Variants in TMEM108 observed in about 807,000 individuals in gnomAD.
The protein encoded by TMEM108 is cancer/testis antigen 124.
In TMEM108, 12 loss-of-function variants were observed where a neutral mutation model predicts 35.1. The ratio of observed to expected loss-of-function variants is 0.34; its 90% confidence interval spans 0.22 to 0.55. The LOEUF (loss-of-function observed/expected upper bound fraction) is 0.55, where lower values mean the gene tolerates loss of function less well. Ranked by LOEUF, TMEM108 falls within the 20% of genes least tolerant of loss-of-function variation. The pLI, the probability that TMEM108 is intolerant of heterozygous loss-of-function variation, is 0.89. For synonymous variants in TMEM108, 287 were observed against 308.6 expected (o/e 0.93, Z 0.73); for missense variants, 680 against 753.3 (o/e 0.90, Z 1.14).
In TMEM108 at chr3:133,055,411, A is replaced by C. The variant is rs1178172610; in HGVS notation, c.-47+9391A>C. 4.6e-5 allele frequency among the ~76,000 whole-genome samples: 7 copies of C among 152,262 alleles called. No homozygotes were observed. In the East Asian group the frequency reaches 1.3e-3, roughly 29 times the overall value. On this transcript the variant is annotated intron_variant, in intron 2 of 5. Transcript: ENST00000321871. ...CCCTTGTTGAAGATTCTTTAGCAAC[A>C]ATAAAGACATCTGCTCTCTCCAGGG...
intron 3 of TMEM108, among the ~76,000 whole-genome samples, chr3:133,323,619 C>G (rs561051561): frequency 1.3e-5 from 2 of 152,140 alleles, no homozygotes; most frequent in Non-Finnish European, 2.9e-5. Context: ...TCTACAGATT[C>G]AGTGCAACTC....
intron 2 of TMEM108, among the ~76,000 whole-genome samples, chr3:133,149,584 G>T (rs1944768556): frequency 6.6e-6 from 1 of 152,150 alleles, no homozygotes; most frequent in Non-Finnish European, 1.5e-5. Flanking sequence ...ATGTAAGTGA[G>T]ATCATACAGT....
intron 2 of TMEM108, among the ~76,000 whole-genome samples, chr3:133,152,279 G>A (rs1052098338): frequency 9.2e-5 from 14 of 152,134 alleles, no homozygotes; most frequent in Admixed American, 7.2e-4. Flanking sequence ...GGGAATTCAC[G>A]TTACTGTTTC....
intron 2 of TMEM108, among the ~76,000 whole-genome samples, chr3:133,138,890 A>G (rs181230438): frequency 1.9e-3 from 287 of 151,972 alleles, no homozygotes; most frequent in African/African-American, 6.6e-3. Flanking sequence ...TACATTAGAT[A>G]TTTGTCCTAA....
chr3:133,151,794 A>G (rs925360833), intron 2 of TMEM108, among the ~76,000 whole-genome samples: 2 of 152,164 alleles, frequency 1.3e-5, no homozygotes, highest in Non-Finnish European at 2.9e-5. Flanking sequence ...GATTGTCATT[A>G]AATTTGTGGT....
intron 2 of TMEM108, among the ~76,000 whole-genome samples, chr3:133,075,348 G>A (rs2107692676): frequency 6.6e-6 from 1 of 152,258 alleles, no homozygotes; most frequent in South Asian, 2.1e-4. Flanking sequence ...GGGGGTTACT[G>A]TTTCCCCAAC....
chr3:133,126,949 G>A (rs1178188842), intron 2 of TMEM108, among the ~76,000 whole-genome samples: 2 of 152,050 alleles, frequency 1.3e-5, no homozygotes, highest in Non-Finnish European at 2.9e-5. Context: ...CTGGGCAGTT[G>A]CATATGTAGA....
At chr3:133,257,292 T>C (rs1270808661) in intron 3 of TMEM108, 1 of 152,224 alleles carries the variant, frequency 6.6e-6, no homozygotes, top group African/African-American at 2.4e-5. Context: ...TTGCAGGAGA[T>C]GAGGCACCCT....
intron 2 of TMEM108, among the ~76,000 whole-genome samples, chr3:133,139,644 G>A (rs1244289284): frequency 2.6e-5 from 4 of 152,188 alleles, no homozygotes; most frequent in Admixed American, 2.0e-4. Context: ...GCCCAGCCTT[G>A]TATACCTTTA....
intron 3 of TMEM108, among the ~76,000 whole-genome samples, chr3:133,283,283 G>A (rs961230941): frequency 6.6e-6 from 1 of 152,140 alleles, no homozygotes; most frequent in African/African-American, 2.4e-5. Flanking sequence ...TCCTATGCAT[G>A]GAGGTGTGGT....
In TMEM108 at chr3:133,397,422, G is replaced by A. The variant is rs1000931406; in HGVS notation, c.*1436G>A. The A allele has an allele frequency of 2.0e-5, 3 of 150,162 alleles. No homozygotes were observed. The highest frequency in any genetic ancestry group is 7.3e-5 in the African/African-American group (3 of 40,928). 9.3% of individuals were successfully genotyped at this position (150,162 alleles called of 1,614,324 possible). ...AAAAAAAGATGGCCTTCAAAAGTGT[G>A]TTCTCAATGTTGTATGAACCTCCTT... On this transcript the variant is annotated 3_prime_UTR_variant, in exon 6 of 6. Transcript: ENST00000321871.
chr3:133,100,228 A>G (rs1022517879), intron 2 of TMEM108, among the ~76,000 whole-genome samples: 4 of 152,212 alleles, frequency 2.6e-5, no homozygotes, highest in Non-Finnish European at 5.9e-5. Context: ...AGCAGGGGAA[A>G]GATTGGCCCC....
chr3:133,082,109 T>C (rs898025950), intron 2 of TMEM108, among the ~76,000 whole-genome samples: 56 of 152,224 alleles, frequency 3.7e-4, no homozygotes, highest in African/African-American at 1.2e-3. Context: ...ACCTCTGCAG[T>C]CTGCTTTGTG....
At chr3:133,391,765 G>A (rs1371981746) in intron 5 of TMEM108, among the ~76,000 whole-genome samples, 1 of 152,104 alleles carries the variant, frequency 6.6e-6, no homozygotes. Context: ...CTGCTGCAGG[G>A]CCCAGTCTAA....
chr3:133,347,516 T>C (rs1418164149), intron 3 of TMEM108, among the ~76,000 whole-genome samples: 1 of 152,118 alleles, frequency 6.6e-6, no homozygotes, highest in Non-Finnish European at 1.5e-5. Flanking sequence ...AGTTCCAGTA[T>C]TTTTTGTTGT....
In TMEM108 at chr3:133,329,678, C is replaced by A. The variant is rs536792150; in HGVS notation, c.41-50074C>A. The stretch of plus-strand genomic sequence containing the variant: ...CTTTTTTTTATTTATTTTTTTAAGG[C>A]AAAGAAAAAGTTTCAACAATTCTTA... On this transcript the variant is annotated intron_variant, in intron 3 of 5. Coordinates refer to ENST00000321871, the MANE Select transcript of TMEM108 (RefSeq NM_023943.4). 2.6e-5 allele frequency among the ~76,000 whole-genome samples: 4 copies of A among 152,080 alleles called. No homozygotes were observed. The South Asian group carries it at 8.3e-4, about 32-fold the overall frequency.
chr3:133,296,056 CTTGTT>C (rs1428260469), intron 3 of TMEM108, among the ~76,000 whole-genome samples: 1 of 152,196 alleles, frequency 6.6e-6, no homozygotes, highest in Non-Finnish European at 1.5e-5. Flanking sequence ...GTATCCTTGT[CTTGTT>C]TTCATTCCTG....
intron 3 of TMEM108, among the ~76,000 whole-genome samples, chr3:133,366,362 A>G (rs1456983099): frequency 1.3e-5 from 2 of 152,198 alleles, no homozygotes; most frequent in Admixed American, 6.5e-5. Context: ...ACAAAGCCAC[A>G]CTCAGCCCTC....
chr3:133,164,773 A>G (rs918359905), intron 2 of TMEM108, among the ~76,000 whole-genome samples: 2 of 152,206 alleles, frequency 1.3e-5, no homozygotes, highest in Admixed American at 1.3e-4. Context: ...CTTAAATGAT[A>G]GAAGAGTCAC....
Sources: allele counts gnomAD v4.1 joint callset (sites outside exome capture counted in the v4.1 genomes callset), GRCh38; gene constraint gnomAD v4.1.1; transcripts MANE v1.5; gene names NCBI Gene and HGNC (gene_info 2026-07-23, HGNC 2026-07-21).